Variants in TMED3 observed in about 807,000 individuals in gnomAD.
TMED3 encodes the protein transmembrane emp24 domain-containing protein 3.
TMED3 carries 9 observed loss-of-function variants against 15.0 expected under a neutral mutation model. The observed-to-expected ratio is 0.60, with a 90% CI of 0.36 to 1.04. The LOEUF (loss-of-function observed/expected upper bound fraction) is 1.04. TMED3 is among the 50% of genes least tolerant of loss of function. The pLI, the probability that TMED3 is intolerant of heterozygous loss-of-function variation, is 0.01. For synonymous variants in TMED3, 117 were observed against 121.4 expected (o/e 0.96, Z 0.24); for missense variants, 267 against 278.9 (o/e 0.96, Z 0.30).
intron 2 of TMED3, among the ~76,000 whole-genome samples, chr15:79,317,055 C>T (rs75874763): frequency 0.037 from 5,632 of 152,042 alleles, 340 homozygotes; most frequent in African/African-American, 0.13. Context: ...TCTCTTGCAG[C>T]GTCTGTGCAA....
At chr15:79,409,749 G>A (rs1347747942) in intron 2 of TMED3, among the ~76,000 whole-genome samples, 1 of 152,178 alleles carries the variant, frequency 6.6e-6, no homozygotes, top group Non-Finnish European at 1.5e-5. Flanking sequence ...TTTGCCTGGA[G>A]CCGAGTGACA....
intron 2 of TMED3, chr15:79,383,146 G>T: frequency 2.2e-6 from 2 of 898,590 alleles, no homozygotes; most frequent in South Asian, 2.9e-5. Flanking sequence ...TTCACTTCCT[G>T]CCTTGTCCAC....
At chr15:79,402,355 A>C (rs1893845408) in intron 2 of TMED3, among the ~76,000 whole-genome samples, 1 of 152,228 alleles carries the variant, frequency 6.6e-6, no homozygotes, top group Non-Finnish European at 1.5e-5. Flanking sequence ...GGGTTCCCAC[A>C]TGTGGCTCAT....
intron 2 of TMED3, chr15:79,314,550 G>A: frequency 2.2e-6 from 1 of 455,702 alleles, no homozygotes; most frequent in Non-Finnish European, 4.4e-6. Context: ...GGGCTTCAGG[G>A]TCTTCTGCCT....
chr15:79,360,871 A>G (rs1346899484), intron 2 of TMED3, among the ~76,000 whole-genome samples: 1 of 152,160 alleles, frequency 6.6e-6, no homozygotes, highest in East Asian at 1.9e-4. Flanking sequence ...ATTTTTAGAG[A>G]CAGAGTCTCA....
chr15:79,367,898 A>C (rs1162460927), intron 2 of TMED3, among the ~76,000 whole-genome samples: 1 of 152,194 alleles, frequency 6.6e-6, no homozygotes, highest in Non-Finnish European at 1.5e-5. Context: ...TTGTTGAAAA[A>C]TTTGAGGTCA....
intron 2 of TMED3, among the ~76,000 whole-genome samples, chr15:79,317,044 G>A (rs2058743402): frequency 6.6e-6 from 1 of 152,158 alleles, no homozygotes; most frequent in Admixed American, 6.5e-5. Context: ...TTGCTCTGGG[G>A]TCTCTTGCAG....
chr15:79,336,244 A>C (rs1242136596), intron 2 of TMED3, among the ~76,000 whole-genome samples: 1 of 152,120 alleles, frequency 6.6e-6, no homozygotes, highest in Non-Finnish European at 1.5e-5. Flanking sequence ...GAGGTTGTAA[A>C]TCTTCCCCTC....
At position 79,394,008 on chromosome 15, in the gene TMED3, T is replaced by A. The variant is rs117220957; in HGVS notation, c.418-17392T>A. On this transcript the variant is annotated intron_variant, in intron 2 of 2. Coordinates refer to the TMED3 transcript ENST00000424155. Reference sequence around the variant, plus strand: ...CACAGTGCCCGGCCCATTTAGACATTTCATATTCTCCTTTCTACCTCTAAT... The same window carrying A: ...CACAGTGCCCGGCCCATTTAGACATATCATATTCTCCTTTCTACCTCTAAT... 5.6e-3 allele frequency among the ~76,000 whole-genome samples: 855 copies of A among 152,278 alleles called. 2 individuals are homozygous for A. Among genetic ancestry groups the A allele is most frequent in the Non-Finnish European group, 9.3e-3 (633 of 68,024 alleles).
intron 2 of TMED3, among the ~76,000 whole-genome samples, chr15:79,385,950 G>A (rs556724744): frequency 1.8e-4 from 27 of 152,280 alleles, no homozygotes; most frequent in African/African-American, 6.3e-4. Context: ...TTTCAGCCCA[G>A]GTCCACCAGA....
intron 2 of TMED3, among the ~76,000 whole-genome samples, chr15:79,319,637 C>T (rs373873057): frequency 7.2e-5 from 11 of 152,234 alleles, no homozygotes; most frequent in African/African-American, 2.4e-4. Flanking sequence ...ACCACCAAGA[C>T]GCAGAGACTG....
chr15:79,333,745 G>T (rs1309374478), intron 2 of TMED3, among the ~76,000 whole-genome samples: 1 of 152,094 alleles, frequency 6.6e-6, no homozygotes, highest in Non-Finnish European at 1.5e-5. Context: ...ATAGACTCCT[G>T]GTGGCTGAGG....
intron 2 of TMED3, among the ~76,000 whole-genome samples, chr15:79,328,337 TA>T (rs1239952932): frequency 3.0e-5 from 4 of 132,176 alleles, no homozygotes; most frequent in Admixed American, 8.1e-5. Flanking sequence ...TTTTTAATTG[TA>T]AAAAAAAATT....
intron 2 of TMED3, among the ~76,000 whole-genome samples, chr15:79,410,417 T>C (rs1461904340): frequency 1.3e-5 from 2 of 152,144 alleles, no homozygotes; most frequent in Admixed American, 1.3e-4. Context: ...TGCATCTTCC[T>C]AATTGGGGAG....
At chr15:79,399,989 C>A (rs1490345787) in intron 2 of TMED3, among the ~76,000 whole-genome samples, 1 of 152,190 alleles carries the variant, frequency 6.6e-6, no homozygotes, top group Non-Finnish European at 1.5e-5. Context: ...AAATTGCTGT[C>A]CACAACCCCT....
intron 2 of TMED3, among the ~76,000 whole-genome samples, chr15:79,379,506 G>A (rs938202155): frequency 6.6e-6 from 1 of 152,116 alleles, no homozygotes; most frequent in Non-Finnish European, 1.5e-5. Context: ...CATCTTGTAA[G>A]ATATATTACT....
chr15:79,333,290 A>G (rs1252262204), intron 2 of TMED3, among the ~76,000 whole-genome samples: 3 of 152,236 alleles, frequency 2.0e-5, no homozygotes, highest in Non-Finnish European at 2.9e-5. Context: ...ATGACAGGAT[A>G]TGGAGCAAGT....
At chr15:79,313,234 T>C (rs895881242) in intron 1 of TMED3, among the ~76,000 whole-genome samples, 1 of 152,092 alleles carries the variant, frequency 6.6e-6, no homozygotes, top group African/African-American at 2.4e-5. Context: ...CTAGTTGCAT[T>C]GGAATAGTTT....
At position 79,370,837 on chromosome 15, in the gene TMED3, A is replaced by G. The variant is rs546303029; in HGVS notation, c.418-40563A>G. Among the ~76,000 whole-genome samples, 19 of 152,322 alleles carry G rather than the reference A, an allele frequency of 1.2e-4. No individual in the cohort carries two copies. In the East Asian group the frequency reaches 3.7e-3, roughly 29 times the overall value. On this transcript the variant is annotated intron_variant, in intron 2 of 2. Coordinates refer to the TMED3 transcript ENST00000424155. The stretch of plus-strand genomic sequence containing the variant: ...GTGTGAATGAAACAGTCATTCGCTG[A>G]GGATCTTCTGCTCATATTGCTTCAC...
Sources: allele counts gnomAD v4.1 joint callset (sites outside exome capture counted in the v4.1 genomes callset), GRCh38; gene constraint gnomAD v4.1.1; transcripts MANE v1.5; gene names NCBI Gene and HGNC (gene_info 2026-07-23, HGNC 2026-07-21).